The following ATXN1 variants were observed in gnomAD, a reference collection of about 807,000 sequenced individuals.
The protein encoded by ATXN1 is ataxin 1.
ATXN1 carries 8 observed loss-of-function variants against 56.4 expected under a neutral mutation model. The observed-to-expected ratio is 0.14, with a 90% CI of 0.08 to 0.26. The LOEUF (loss-of-function observed/expected upper bound fraction) is 0.26. ATXN1 is among the 10% of genes least tolerant of loss of function. The probability of loss-of-function intolerance (pLI) is 1.00; values close to 1 mark genes in which losing one functional copy is unlikely to be tolerated. For missense variants in ATXN1, 987 were observed against 1,106.5 expected (o/e 0.89, Z 1.53); for synonymous variants, 514 against 494.6 (o/e 1.04, Z -0.52).
chr6:16,656,702 A>G (rs1758210400), intron 3 of ATXN1, among the ~76,000 whole-genome samples: 1 of 152,164 alleles, frequency 6.6e-6, no homozygotes, highest in Admixed American at 6.5e-5. Context: ...GCCCATCACA[A>G]TAGTCATGCA....
chr6:16,511,596 G>A (rs1206446862), intron 5 of ATXN1, among the ~76,000 whole-genome samples: 1 of 152,060 alleles, frequency 6.6e-6, no homozygotes, highest in African/African-American at 2.4e-5. Context: ...CTAGCAACAA[G>A]TCCGAAACCT....
At chr6:16,761,137 T>G (rs1340359725) in intron 1 of ATXN1, 161 bp downstream of exon 1, 1 of 367,576 alleles carries the variant, frequency 2.7e-6, no homozygotes, top group African/African-American at 2.1e-5. Context: ...CTCTTCCAGC[T>G]GTTTTCCGTG....
chr6:16,577,867 T>C (rs898793071), intron 4 of ATXN1, among the ~76,000 whole-genome samples: 6 of 152,232 alleles, frequency 3.9e-5, no homozygotes, highest in African/African-American at 1.4e-4. Context: ...TTATCTCATT[T>C]GATCATCACA....
At chr6:16,325,140 C>CA (rs1243693865) in intron 7 of ATXN1, among the ~76,000 whole-genome samples, 2 of 149,914 alleles carry the variant, frequency 1.3e-5, no homozygotes, top group African/African-American at 4.9e-5. Context: ...TTGTCTGAGA[C>CA]AGAGTCTTGC....
At chr6:16,493,569 A>G (rs928118623) in intron 5 of ATXN1, among the ~76,000 whole-genome samples, 4 of 151,992 alleles carry the variant, frequency 2.6e-5, no homozygotes, top group African/African-American at 9.7e-5. Context: ...CATCTCCCCA[A>G]GTGGAATGTG....
intron 6 of ATXN1, among the ~76,000 whole-genome samples, chr6:16,403,978 G>A (rs75425053): frequency 0.015 from 2,271 of 152,188 alleles, 30 homozygotes; most frequent in East Asian, 0.053. Flanking sequence ...TAAACATCTA[G>A]TGATAGGAAA....
chr6:16,671,306 TTTC>T (rs201430838), intron 2 of ATXN1, among the ~76,000 whole-genome samples: 19,822 of 98,582 alleles, frequency 0.2, 1,454 homozygotes, highest in African/African-American at 0.25. Flanking sequence ...TTTTCTTTTC[TTTC>T]TTTTTTTTTT....
chr6:16,748,653 T>G (rs925357452), intron 2 of ATXN1, among the ~76,000 whole-genome samples: 9 of 152,246 alleles, frequency 5.9e-5, no homozygotes, highest in African/African-American at 1.9e-4. Context: ...AGGGCCTTGT[T>G]GGCATAATGC....
At chr6:16,336,523 C>T (rs531966358) in intron 6 of ATXN1, among the ~76,000 whole-genome samples, 1 of 152,102 alleles carries the variant, frequency 6.6e-6, no homozygotes, top group Non-Finnish European at 1.5e-5. Context: ...TCAAGACCAC[C>T]CACCCAATTG....
At chr6:16,687,407 A>G (rs1758939859) in intron 2 of ATXN1, among the ~76,000 whole-genome samples, 1 of 152,128 alleles carries the variant, frequency 6.6e-6, no homozygotes, top group African/African-American at 2.4e-5. Flanking sequence ...AGGAAAAAAA[A>G]TCATGCTCAA....
intron 1 of ATXN1, among the ~76,000 whole-genome samples, chr6:16,759,528 CT>C (rs1201339087): frequency 1.6e-5 from 1 of 64,472 alleles, no homozygotes; most frequent in Admixed American, 1.8e-4. Context: ...CTTCTTCCGA[CT>C]GTTTTTTTTT....
intron 2 of ATXN1, among the ~76,000 whole-genome samples, chr6:16,666,230 T>C (rs1268662446): frequency 6.6e-6 from 1 of 152,222 alleles, no homozygotes; most frequent in Non-Finnish European, 1.5e-5. Flanking sequence ...AGTGAGAATA[T>C]GTGATATTTG....
intron 2 of ATXN1, among the ~76,000 whole-genome samples, chr6:16,683,816 T>C (rs987543620): frequency 2.0e-5 from 3 of 152,174 alleles, no homozygotes; most frequent in African/African-American, 7.2e-5. Flanking sequence ...TCCCTGCAAC[T>C]TTCCCTTCTT....
chr6:16,360,389 A>G (rs533200122), intron 6 of ATXN1, among the ~76,000 whole-genome samples: 8 of 152,186 alleles, frequency 5.3e-5, no homozygotes, highest in Non-Finnish European at 1.2e-4. Context: ...AATTTGCATT[A>G]TTATTTTATT....
rs186985629 is a variant in ATXN1 at position 16,317,148 on chromosome 6, T to C, written c.1917+9246A>G. ...CTGGGGTTCCACACATTTTCCAGAA[T>C]GGTTTCTGATTAAATCCCAATGAAA... is the stretch of plus-strand genomic sequence containing the variant. On this transcript the variant is annotated intron_variant, in intron 7 of 7. Transcript: ENST00000436367. Among the ~76,000 whole-genome samples, 48 of 152,274 alleles carry C rather than the reference T, an allele frequency of 3.2e-4. 1 individual carries two copies. The highest frequency in any genetic ancestry group is 1.1e-3 in the African/African-American group (45 of 41,548).
rs555941765 is a variant in ATXN1, at chr6:16,540,505, C to A, written c.-360-17817G>T. Among the ~76,000 whole-genome samples, 144 of 152,298 alleles carry A rather than the reference C, an allele frequency of 9.5e-4. No homozygotes were observed. In the Middle Eastern group the frequency reaches 0.014, roughly 14 times the overall value. On this transcript the variant is annotated intron_variant, in intron 4 of 7. Coordinates refer to ENST00000436367, the MANE Select transcript of ATXN1 (RefSeq NM_001128164.2). The stretch of plus-strand genomic sequence containing the variant: ...GGGATTACAGGCATGAGCCACTGCG[C>A]CCGGAACTGATTCAGCTCTCCCAAC...
intron 6 of ATXN1, among the ~76,000 whole-genome samples, chr6:16,342,942 G>A (rs1224900811): frequency 6.6e-6 from 1 of 152,216 alleles, no homozygotes; most frequent in Non-Finnish European, 1.5e-5. Flanking sequence ...GAGACAGATG[G>A]TGGTGATGGT....
chr6:16,653,765 A>T (rs1031933735), intron 3 of ATXN1, among the ~76,000 whole-genome samples: 2 of 152,358 alleles, frequency 1.3e-5, no homozygotes, highest in South Asian at 2.1e-4. Context: ...TTCAGAGAAT[A>T]TGCTGACCTC....
rs371224774 is a variant in ATXN1 at position 16,326,964 on chromosome 6, T to C, written c.1347A>G (p.Pro449=). 2.5e-5 allele frequency: 40 copies of C among 1,614,040 alleles called. No individual in the cohort carries two copies. Among genetic ancestry groups the C allele is most frequent in the Non-Finnish European group, 3.2e-5 (38 of 1,180,022 alleles). The part of the protein sequence containing the change: ...SASEPLPVGL[P]ATAFYAGTQP... ...GAGTCCCTGCGTAGAAGGCCGTGGC[T>C]GGCAGTCCCACCGGGAGTGGCTCTG... The change falls in exon 7 of 8, where the codon CCA becomes CCG. Residue 449 remains proline, a synonymous_variant. Transcript: ENST00000436367. The surrounding 1 kb of genome is among the most constrained non-coding windows in gnomAD (Gnocchi z 6.6).
Sources: allele counts gnomAD v4.1 joint callset (sites outside exome capture counted in the v4.1 genomes callset), GRCh38; gene constraint gnomAD v4.1.1; non-coding constraint Gnocchi (gnomAD v3.1); transcripts MANE v1.5; gene names NCBI Gene and HGNC (gene_info 2026-07-23, HGNC 2026-07-21).